The following MAD1L1 variants were observed in gnomAD, a reference collection of about 807,000 sequenced individuals.
MAD1L1 encodes mitotic arrest deficient 1 like 1.
In MAD1L1, 95 loss-of-function variants were observed where a neutral mutation model predicts 96.9. The observed-to-expected ratio is 0.98, with a 90% CI of 0.83 to 1.16. The LOEUF is 1.16. Among genes scored for constraint, MAD1L1 ranks in the 50% most tolerant of loss-of-function variants. The pLI, the probability that MAD1L1 is intolerant of heterozygous loss-of-function variation, is 0.00. For synonymous variants in MAD1L1, 473 were observed against 396.6 expected, an observed-to-expected ratio of 1.19 and a Z score of -2.29; for missense variants, 1,007 against 954.4, an observed-to-expected ratio of 1.06 and a Z score of -0.73.
intron 12 of MAD1L1, among the ~76,000 whole-genome samples, chr7:2,040,264 T>G (rs925166371): frequency 6.6e-6 from 1 of 152,206 alleles, no homozygotes; most frequent in African/African-American, 2.4e-5. Context: ...CTGGATTAGT[T>G]TTGAAGACGC....
intron 15 of MAD1L1, among the ~76,000 whole-genome samples, chr7:1,964,262 G>T (rs1396275373): frequency 6.6e-6 from 1 of 152,206 alleles, no homozygotes; most frequent in Non-Finnish European, 1.5e-5. Context: ...GGAGACGCTG[G>T]ATGAAAAGGC....
At chr7:1,830,440 G>C (rs919749880) in intron 18 of MAD1L1, among the ~76,000 whole-genome samples, 1 of 152,184 alleles carries the variant, frequency 6.6e-6, no homozygotes, top group Non-Finnish European at 1.5e-5. Context: ...GCCTACACAA[G>C]AAGAAGGAAG....
At chr7:1,865,672 C>G (rs1784744581) in intron 18 of MAD1L1, among the ~76,000 whole-genome samples, 1 of 152,244 alleles carries the variant, frequency 6.6e-6, no homozygotes, top group African/African-American at 2.4e-5. Flanking sequence ...CACAAGATCC[C>G]TTGAGGAATG....
chr7:2,144,537 C>G (rs1457302908), intron 11 of MAD1L1, among the ~76,000 whole-genome samples: 4 of 152,170 alleles, frequency 2.6e-5, no homozygotes, highest in East Asian at 1.9e-4. Context: ...CCTATTCCCC[C>G]CCAGATCTGA....
In MAD1L1 at chr7:2,221,120, C is replaced by T. The variant is rs1331537849; in HGVS notation, c.471+1455G>A. 2.5e-5 allele frequency: 29 copies of T among 1,155,404 alleles called. No homozygotes were observed. In the South Asian group the frequency reaches 2.9e-4, roughly 12 times the overall value. 71.6% of individuals were successfully genotyped at this position (1,155,404 alleles called of 1,614,324 possible). A position where few individuals can be genotyped will look rare whatever the true frequency, so the allele number is the denominator to read the frequency against. On this transcript the variant is annotated intron_variant, in intron 5 of 18. Coordinates refer to ENST00000265854, the MANE Select transcript of MAD1L1 (RefSeq NM_001013836.2). ...GACATGACAGGCCAAAGCAGCAGCACCTGCAGCGCCACCATCTTCCCCTCA... is the reference window on the plus strand; with the variant it reads ...GACATGACAGGCCAAAGCAGCAGCATCTGCAGCGCCACCATCTTCCCCTCA...
At chr7:1,952,031 G>A (rs1248120751) in intron 16 of MAD1L1, among the ~76,000 whole-genome samples, 2 of 152,176 alleles carry the variant, frequency 1.3e-5, no homozygotes, top group Middle Eastern at 3.2e-3. Context: ...AGCCCCCATC[G>A]GTGACATTTC....
intron 17 of MAD1L1, among the ~76,000 whole-genome samples, chr7:1,923,316 A>G (rs888219848): frequency 2.6e-5 from 4 of 152,100 alleles, no homozygotes; most frequent in Non-Finnish European, 4.4e-5. Flanking sequence ...GGACTTGGGG[A>G]CCCCTAAAAC....
chr7:2,187,658 C>T (rs914050041), intron 10 of MAD1L1, among the ~76,000 whole-genome samples: 6 of 152,160 alleles, frequency 3.9e-5, no homozygotes, highest in Admixed American at 1.3e-4. Flanking sequence ...ATCTTAACCC[C>T]TTGATAAGAT....
intron 10 of MAD1L1, among the ~76,000 whole-genome samples, chr7:2,155,598 C>T (rs990074103): frequency 6.6e-6 from 1 of 152,346 alleles, no homozygotes; most frequent in South Asian, 2.1e-4. Flanking sequence ...CTTGGCATCA[C>T]GTCCTCAAGG....
chr7:2,111,853 CA>C (rs1359640624), intron 11 of MAD1L1, among the ~76,000 whole-genome samples: 4 of 152,246 alleles, frequency 2.6e-5, no homozygotes, highest in African/African-American at 9.6e-5. Flanking sequence ...TGGAGACCCA[CA>C]AGGCAATGTC....
chr7:1,975,676 G>A (rs1246951100), intron 15 of MAD1L1, among the ~76,000 whole-genome samples: 11 of 152,222 alleles, frequency 7.2e-5, no homozygotes, highest in Admixed American at 1.3e-4. Context: ...TGGAAAGGAC[G>A]TGGGCCTGGG....
chr7:1,989,966 T>G (rs543283840), intron 14 of MAD1L1, among the ~76,000 whole-genome samples: 1 of 152,360 alleles, frequency 6.6e-6, no homozygotes, highest in African/African-American at 2.4e-5. Flanking sequence ...TCGGTTTAAT[T>G]TGGGAAGATG....
chr7:2,037,207 C>CTTTT (rs11332091), intron 12 of MAD1L1, among the ~76,000 whole-genome samples: 1 of 133,138 alleles, frequency 7.5e-6, no homozygotes, highest in Non-Finnish European at 1.7e-5. Context: ...ATAGACTCTT[C>CTTTT]TTTTTTTTTT....
intron 17 of MAD1L1, among the ~76,000 whole-genome samples, chr7:1,912,942 G>A (rs150851884): frequency 0.021 from 3,218 of 151,898 alleles, 65 homozygotes; most frequent in Non-Finnish European, 0.036. Context: ...TTTGCATGCC[G>A]CGTTCATGAT....
At chr7:1,893,691 G>C (rs954043720) in intron 18 of MAD1L1, among the ~76,000 whole-genome samples, 1 of 152,200 alleles carries the variant, frequency 6.6e-6, no homozygotes, top group African/African-American at 2.4e-5. Flanking sequence ...CTGAAGCCAG[G>C]AGGCCAGGGT....
intron 10 of MAD1L1, among the ~76,000 whole-genome samples, chr7:2,165,990 G>A (rs1234792435): frequency 6.6e-6 from 1 of 152,158 alleles, no homozygotes. Flanking sequence ...TAAGTCCTGG[G>A]GTCCATACTG....
chr7:1,862,803 G>A (rs1784595326), intron 18 of MAD1L1, among the ~76,000 whole-genome samples: 2 of 152,226 alleles, frequency 1.3e-5, no homozygotes, highest in Admixed American at 1.3e-4. Context: ...ATAGAGTGAC[G>A]ATGAAAACAA....
chr7:2,158,209 G>A (rs1019602316), intron 10 of MAD1L1, among the ~76,000 whole-genome samples: 19 of 152,240 alleles, frequency 1.2e-4, no homozygotes, highest in African/African-American at 3.9e-4. Flanking sequence ...AGAGGGCTGT[G>A]GGGAGTCCGG....
At position 1,904,509 on chromosome 7, in the gene MAD1L1, C is replaced by A. The variant is rs542881030; in HGVS notation, c.1808-6119G>T. 1.3e-3 allele frequency among the ~76,000 whole-genome samples: 177 copies of A among 133,272 alleles called. 26 individuals carry two copies. Among genetic ancestry groups the A allele is most frequent in the African/African-American group, 5.9e-3 (173 of 29,252 alleles). The allele number at this position is 133,272 out of a possible 152,430, so 87.4% of individuals were successfully genotyped here. A position where few individuals can be genotyped will look rare whatever the true frequency, so the allele number is the denominator to read the frequency against. Reference sequence around the variant, plus strand: ...AGGACGCAGTGGCCTATGGAAGATGCTCTTGCGGAACTCATGATTGATCAA... The same window carrying A: ...AGGACGCAGTGGCCTATGGAAGATGATCTTGCGGAACTCATGATTGATCAA... On this transcript the variant is annotated intron_variant, in intron 17 of 18. Transcript: ENST00000265854.
Sources: allele counts gnomAD v4.1 joint callset (sites outside exome capture counted in the v4.1 genomes callset), GRCh38; gene constraint gnomAD v4.1.1; transcripts MANE v1.5; gene names NCBI Gene and HGNC (gene_info 2026-07-23, HGNC 2026-07-21).